Variants in TRPA1 observed in about 807,000 individuals in gnomAD.
TRPA1 encodes ankyrin-like with transmembrane domains 1.
Under a neutral mutation model 131.3 loss-of-function variants are expected in TRPA1, and 129 were observed. The observed-to-expected ratio is 0.98, with a 90% confidence interval of 0.85 to 1.14. The LOEUF (loss-of-function observed/expected upper bound fraction) is 1.14, where lower values mean the gene tolerates loss of function less well. Among genes scored for constraint, TRPA1 ranks in the 50% most tolerant of loss-of-function variants. The pLI is 0.00. For synonymous variants in TRPA1, 441 were observed against 451.7 expected (o/e 0.98, Z 0.30); for missense variants, 1,304 against 1,354.2 (o/e 0.96, Z 0.58).
At chr8:72,069,871 A>G (rs183384969) in intron 2 of TRPA1, among the ~76,000 whole-genome samples, 124 of 152,302 alleles carry the variant, frequency 8.1e-4, no homozygotes, top group African/African-American at 2.9e-3. Context: ...ATACTAAGTC[A>G]TGTCTTTAAA....
intron 3 of TRPA1, 76 bp downstream of exon 3, chr8:72,068,947 A>C: frequency 6.7e-7 from 1 of 1,502,354 alleles, no homozygotes; most frequent in Non-Finnish European, 9.3e-7. Flanking sequence ...ATCCTGGTGC[A>C]AGCAGAGAGA....
intron 9 of TRPA1, 32 bp from the exon 10 acceptor site, chr8:72,057,049 T>C: frequency 1.3e-6 from 2 of 1,488,632 alleles, no homozygotes; most frequent in Non-Finnish European, 1.8e-6. Flanking sequence ...ATATAAATTC[T>C]ATTCATTTAT....
rs777099874 is a variant in TRPA1 at position 72,063,486 on chromosome 8, C to T, written c.638G>A (p.Cys213Tyr). 6.2e-7 allele frequency: 1 copy of T among 1,613,078 alleles called. No homozygotes were observed. Among genetic ancestry groups the T allele is most frequent in the South Asian group, 1.1e-5 (1 of 91,060 alleles). The change falls in exon 5 of 27, where the codon TGC (cysteine) becomes TAC (tyrosine). Residue 213 changes from cysteine to tyrosine, a missense_variant. Coordinates refer to ENST00000262209, the MANE Select transcript of TRPA1 (RefSeq NM_007332.3). ...HQAAFSGSKE[C>Y]MEIILRFGEE... Reference sequence around the variant, plus strand: ...ACCAAACCTTAGTATTATTTCCATGCATTCTTTGGAACCTGAAAATGCAGC... The same window carrying T: ...ACCAAACCTTAGTATTATTTCCATGTATTCTTTGGAACCTGAAAATGCAGC...
intron 21 of TRPA1, 99 bp from the exon 22 acceptor site, chr8:72,034,476 C>A: frequency 1.3e-6 from 1 of 744,068 alleles, no homozygotes; most frequent in Admixed American, 3.3e-5. Flanking sequence ...TATTAGATTT[C>A]ACAGATGAGA....
intron 17 of TRPA1, among the ~76,000 whole-genome samples, chr8:72,045,688 G>A (rs1812405893): frequency 6.6e-6 from 1 of 151,362 alleles, no homozygotes; most frequent in Non-Finnish European, 1.5e-5. Flanking sequence ...ATTGCCACAT[G>A]GCAATGATTT....
chr8:72,026,785 T>G (rs191585390), intron 24 of TRPA1, among the ~76,000 whole-genome samples: 2 of 152,328 alleles, frequency 1.3e-5, no homozygotes, highest in Non-Finnish European at 2.9e-5. Flanking sequence ...TATAGGTATG[T>G]TTACTGTAAC....
At chr8:72,071,498 G>A (rs1338026935) in intron 2 of TRPA1, among the ~76,000 whole-genome samples, 1 of 152,134 alleles carries the variant, frequency 6.6e-6, no homozygotes, top group Non-Finnish European at 1.5e-5. Context: ...TGCTTGTTGT[G>A]GGGTGTCCTA....
chr8:72,067,980 C>T (rs1805971135), intron 3 of TRPA1, among the ~76,000 whole-genome samples: 1 of 152,174 alleles, frequency 6.6e-6, no homozygotes. Flanking sequence ...AGACACACCT[C>T]TTCCCTCAAG....
intron 10 of TRPA1, 117 bp from the exon 11 acceptor site, chr8:72,055,972 C>A (rs1805658311): frequency 2.4e-6 from 2 of 840,436 alleles, no homozygotes; most frequent in Admixed American, 4.5e-5. Context: ...TTCCTTGGGG[C>A]CAAAATTGTA....
chr8:72,062,211 G>T, intron 6 of TRPA1: 1 of 191,170 alleles, frequency 5.2e-6, no homozygotes, highest in Non-Finnish European at 1.1e-5. Context: ...GAAGTTTCCA[G>T]AAGCCACATG....
chr8:72,028,757 T>C (rs147957494), intron 24 of TRPA1, among the ~76,000 whole-genome samples: 1 of 152,356 alleles, frequency 6.6e-6, no homozygotes, highest in African/African-American at 2.4e-5. Flanking sequence ...TGGGCTCTCA[T>C]GATAAGTTGT....
At chr8:72,074,982 A>T (rs1400142481) in intron 1 of TRPA1, among the ~76,000 whole-genome samples, 2 of 152,196 alleles carry the variant, frequency 1.3e-5, no homozygotes, top group Non-Finnish European at 2.9e-5. Context: ...GAAACGGCAC[A>T]CATTCCAAAT....
In TRPA1 at chr8:72,057,023, A is replaced by G. The variant is rs753083636; in HGVS notation, c.1094-6T>C. The G allele has an allele frequency of 6.3e-7, 1 of 1,580,766 alleles. No homozygotes were observed. The highest frequency in any genetic ancestry group is 1.4e-5 in the African/African-American group (1 of 73,702). ...TTTTATGTCTACTTGGGCACCTAAAAAAAAACACTATGTAAATATAAATTC... is the reference window on the plus strand; with the variant it reads ...TTTTATGTCTACTTGGGCACCTAAAGAAAAACACTATGTAAATATAAATTC... On this transcript the variant is annotated splice_region_variant and splice_polypyrimidine_tract_variant and intron_variant, in intron 9 of 26. Transcript: ENST00000262209.
rs1811380432 is a variant in TRPA1 at position 72,021,264 on chromosome 8, GTTTA to G, written c.*1638_*1641del. ...TGGTGACATTGTTGTAAGACAATCT[GTTTA>G]TTTAAATATTTCGCATGACAGGCAT... On this transcript the variant is annotated 3_prime_UTR_variant, in exon 27 of 27. Coordinates refer to ENST00000262209, the MANE Select transcript of TRPA1 (RefSeq NM_007332.3). 1 of 152,184 alleles carries G rather than the reference GTTTA, an allele frequency of 6.6e-6. No homozygotes were observed. The highest frequency in any genetic ancestry group is 6.5e-5 in the Admixed American group (1 of 15,280). The allele number at this position is 152,184 out of a possible 1,614,324, so 9.4% of individuals were successfully genotyped here. A position where few individuals can be genotyped will look rare whatever the true frequency, so the allele number is the denominator to read the frequency against.
At chr8:72,077,875 A>G (rs1806219587), upstream of TRPA1, among the ~76,000 whole-genome samples, 1 of 152,144 alleles carries the variant, frequency 6.6e-6, no homozygotes, top group Non-Finnish European at 1.5e-5. Context: ...CAAGCTTTTT[A>G]TATCAGTTAT....
At chr8:72,032,618 G>C (rs532865294) in intron 23 of TRPA1, among the ~76,000 whole-genome samples, 218 of 152,208 alleles carry the variant, frequency 1.4e-3, no homozygotes, top group Admixed American at 3.9e-3. Flanking sequence ...TTCAGAATGG[G>C]GCCAACCTGT....
intron 25 of TRPA1, among the ~76,000 whole-genome samples, chr8:72,024,443 G>A (rs919652734): frequency 2.0e-5 from 3 of 152,104 alleles, no homozygotes; most frequent in East Asian, 1.9e-4. Context: ...TAGGAGTTCA[G>A]GCAAGAGAAA....
chr8:72,036,262 G>A (rs900916485), intron 21 of TRPA1, 26 bp downstream of exon 21: 5 of 1,610,068 alleles, frequency 3.1e-6, no homozygotes, highest in African/African-American at 2.7e-5. Context: ...CTTAAAGGAT[G>A]TGGAAATAAT....
intron 17 of TRPA1, among the ~76,000 whole-genome samples, chr8:72,043,237 T>G (rs925861540): frequency 6.6e-6 from 1 of 151,850 alleles, no homozygotes; most frequent in African/African-American, 2.4e-5. Flanking sequence ...CTTTTCTATA[T>G]TTCTACACAG....
Sources: allele counts gnomAD v4.1 joint callset (sites outside exome capture counted in the v4.1 genomes callset), GRCh38; gene constraint gnomAD v4.1.1; transcripts MANE v1.5; gene names NCBI Gene and HGNC (gene_info 2026-07-23, HGNC 2026-07-21).